CFAP299: variants seen among roughly 807,000 people sequenced by gnomAD.
CFAP299 encodes cilia and flagella associated protein 299, also known as cilia- and flagella-associated protein 299.
A neutral mutation model predicts 27.0 loss-of-function variants in CFAP299; 21 were observed. The ratio of observed to expected loss-of-function variants is 0.78; its 90% confidence interval spans 0.55 to 1.12. The LOEUF is 1.12. CFAP299 is among the 50% of genes most tolerant of loss of function. The pLI is 0.00. For synonymous variants in CFAP299, 104 were observed against 98.1 expected (o/e 1.06, Z -0.36); for missense variants, 310 against 276.6 (o/e 1.12, Z -0.86).
chr4:80,716,096 C>A (rs1340709545), intron 3 of CFAP299, among the ~76,000 whole-genome samples: 1 of 151,780 alleles, frequency 6.6e-6, no homozygotes, highest in Non-Finnish European at 1.5e-5. Context: ...AAGCTATAAA[C>A]CCACAAATAC....
rs532364047 is a variant in CFAP299 at position 80,854,712 on chromosome 4, T to C, written c.334-15281T>C. Among the ~76,000 whole-genome samples the C allele has an allele frequency of 3.3e-3, 484 of 147,120 alleles. 2 individuals are homozygous for C. Among genetic ancestry groups the C allele is most frequent in the Non-Finnish European group, 5.8e-3 (392 of 67,606 alleles). ...TGAAAGTTTGATGAGAGAGAAGATA[T>C]GTAAAAAAAATTGGGAGCGTGGGCG... On this transcript the variant is annotated intron_variant, in intron 3 of 5. Coordinates refer to ENST00000358105, the MANE Select transcript of CFAP299 (RefSeq NM_152770.3).
intron 4 of CFAP299, among the ~76,000 whole-genome samples, chr4:80,894,411 G>T (rs1734509117): frequency 6.6e-6 from 1 of 151,972 alleles, no homozygotes; most frequent in African/African-American, 2.4e-5. Context: ...AATAATTTGT[G>T]TGTTTATTTT....
intron 4 of CFAP299, among the ~76,000 whole-genome samples, chr4:80,931,736 ACACG>A (rs1736628972): frequency 6.6e-6 from 1 of 151,872 alleles, no homozygotes; most frequent in East Asian, 1.9e-4. Flanking sequence ...ACACACACAC[ACACG>A]CACACACGCA....
chr4:80,642,699 G>T (rs1231435739), intron 3 of CFAP299, among the ~76,000 whole-genome samples: 1 of 151,388 alleles, frequency 6.6e-6, no homozygotes, highest in Non-Finnish European at 1.5e-5. Flanking sequence ...GGGAGGCAAA[G>T]GTTGCAGTGA....
intron 1 of CFAP299, among the ~76,000 whole-genome samples, chr4:80,361,243 A>G (rs771523977): frequency 1.3e-5 from 2 of 152,196 alleles, no homozygotes; most frequent in African/African-American, 2.4e-5. Context: ...TAACCCAGGT[A>G]AAGCACACAG....
At chr4:80,471,637 C>A (rs2110116527) in intron 2 of CFAP299, among the ~76,000 whole-genome samples, 1 of 150,386 alleles carries the variant, frequency 6.6e-6, no homozygotes, top group African/African-American at 2.4e-5. Context: ...GGGTGAAGAT[C>A]TGCTTTCAAA....
intron 1 of CFAP299, among the ~76,000 whole-genome samples, chr4:80,360,525 A>G (rs1376097738): frequency 6.6e-6 from 1 of 152,224 alleles, no homozygotes; most frequent in Non-Finnish European, 1.5e-5. Flanking sequence ...TGATAAGATC[A>G]TAGTGATATA....
chr4:80,449,506 G>A lies in CFAP299; in HGVS notation c.242+86622G>A, dbSNP rs1050871157. 4.0e-5 allele frequency among the ~76,000 whole-genome samples: 6 copies of A among 151,588 alleles called. No individual in the cohort carries two copies. The East Asian group carries it at 9.7e-4, about 24-fold the overall frequency. On this transcript the variant is annotated intron_variant, in intron 2 of 5. Transcript: ENST00000358105. ...TTTTTTTTACTTCAAGGTTTAGAGG[G>A]TTTATTTCTAAAACACATAATAGCT... is the stretch of plus-strand genomic sequence containing the variant.
chr4:80,828,185 A>G (rs1194266193), intron 3 of CFAP299, among the ~76,000 whole-genome samples: 1 of 152,020 alleles, frequency 6.6e-6, no homozygotes, highest in Non-Finnish European at 1.5e-5. Flanking sequence ...TTGCAAAAAT[A>G]GAAAAGTCCT....
At chr4:80,689,412 T>C (rs1435342942) in intron 3 of CFAP299, among the ~76,000 whole-genome samples, 1 of 152,204 alleles carries the variant, frequency 6.6e-6, no homozygotes, top group East Asian at 1.9e-4. Context: ...AAAAGAATTT[T>C]CAACACAGAA....
intron 3 of CFAP299, among the ~76,000 whole-genome samples, chr4:80,644,283 A>G (rs928217995): frequency 6.6e-6 from 1 of 152,156 alleles, no homozygotes; most frequent in Admixed American, 6.6e-5. Flanking sequence ...ATTAGCATCG[A>G]TTATTGGAAG....
intron 3 of CFAP299, among the ~76,000 whole-genome samples, chr4:80,771,018 A>G (rs1012018001): frequency 2.6e-5 from 4 of 152,168 alleles, no homozygotes; most frequent in Admixed American, 6.6e-5. Context: ...TCAATAACCA[A>G]TTATGGGAAT....
chr4:80,533,370 T>C (rs1733566347), intron 2 of CFAP299, among the ~76,000 whole-genome samples: 1 of 152,224 alleles, frequency 6.6e-6, no homozygotes, highest in Non-Finnish European at 1.5e-5. Flanking sequence ...TAAACACAGG[T>C]GTGGAATTCT....
chr4:80,854,009 G>A (rs1308450593), intron 3 of CFAP299, among the ~76,000 whole-genome samples: 2 of 152,170 alleles, frequency 1.3e-5, no homozygotes, highest in Non-Finnish European at 2.9e-5. Context: ...ATCAACTGGT[G>A]TGTGAATGCA....
At position 80,515,819 on chromosome 4, in the gene CFAP299, A is replaced by G. The variant is rs375640824; in HGVS notation, c.243-67274A>G. Among the ~76,000 whole-genome samples the G allele has an allele frequency of 5.9e-5, 9 of 152,266 alleles. No individual in the cohort carries two copies. The East Asian group carries it at 1.5e-3, about 26-fold the overall frequency. ...AATATTTTAGAAATCTCTTATATGTAAGGCTCTGGGATATAGCTGGACGAC... is the reference window on the plus strand; with the variant it reads ...AATATTTTAGAAATCTCTTATATGTGAGGCTCTGGGATATAGCTGGACGAC... On this transcript the variant is annotated intron_variant, in intron 2 of 5. Coordinates refer to ENST00000358105, the MANE Select transcript of CFAP299 (RefSeq NM_152770.3).
At chr4:80,606,537 T>A (rs1470280986) in intron 3 of CFAP299, among the ~76,000 whole-genome samples, 3 of 151,600 alleles carry the variant, frequency 2.0e-5, no homozygotes, top group East Asian at 1.9e-4. Context: ...TCTGTTTTTT[T>A]AAAAAAAAGA....
At chr4:80,703,645 T>C (rs1269355990) in intron 3 of CFAP299, among the ~76,000 whole-genome samples, 1 of 151,722 alleles carries the variant, frequency 6.6e-6, no homozygotes, top group African/African-American at 2.4e-5. Context: ...GCACTGAATA[T>C]GCTGTGTAGT....
At chr4:80,800,989 G>C (rs1728556289) in intron 3 of CFAP299, among the ~76,000 whole-genome samples, 1 of 151,138 alleles carries the variant, frequency 6.6e-6, no homozygotes, top group Non-Finnish European at 1.5e-5. Context: ...ATGTTTTTCT[G>C]CCTGCTTTAT....
chr4:80,327,712 A>ATATATATATG, the CFAP299 span, among the ~76,000 whole-genome samples: 2 of 137,270 alleles, frequency 1.5e-5, no homozygotes, highest in African/African-American at 6.0e-5. Context: ...ATATATATAT[A>ATATATATATG]TATATATATA....
Sources: allele counts gnomAD v4.1 joint callset (sites outside exome capture counted in the v4.1 genomes callset), GRCh38; gene constraint gnomAD v4.1.1; transcripts MANE v1.5; gene names NCBI Gene and HGNC (gene_info 2026-07-23, HGNC 2026-07-21).